Variants in SLC35F3 observed in about 807,000 individuals in gnomAD.
SLC35F3 encodes putative thiamine transporter SLC35F3.
In SLC35F3, 25 loss-of-function variants were observed where a neutral mutation model predicts 49.9. The ratio of observed to expected loss-of-function variants is 0.50; its 90% CI spans 0.37 to 0.70. The LOEUF is 0.70. Ranked by LOEUF, SLC35F3 falls within the 30% of genes least tolerant of loss-of-function variation. The pLI is 0.00. For missense variants in SLC35F3, 525 were observed against 639.8 expected (o/e 0.82, Z 1.94); for synonymous variants, 275 against 265.4 (o/e 1.04, Z -0.35).
rs1352555577 is a variant in SLC35F3, at chr1:234,217,955, G to A, written c.284-13462G>A. Among the ~76,000 whole-genome samples the A allele has an allele frequency of 5.9e-5, 9 of 152,204 alleles. No individual in the cohort carries two copies. The East Asian group carries it at 1.7e-3, about 29-fold the overall frequency. ...TGGGGGGATATGAGAAAGCTTGTTG[G>A]TGCAGAGGGGAGGAGAGGCAGTTTC... On this transcript the variant is annotated intron_variant, in intron 2 of 7. Coordinates refer to ENST00000366618, the MANE Select transcript of SLC35F3 (RefSeq NM_173508.4).
intron 2 of SLC35F3, among the ~76,000 whole-genome samples, chr1:234,171,616 A>G (rs1230549689): frequency 6.6e-6 from 1 of 152,232 alleles, no homozygotes; most frequent in Non-Finnish European, 1.5e-5. Context: ...GATACTTATC[A>G]TCAGAGAGTT....
At chr1:233,937,064 T>C (rs1035512893) in intron 2 of SLC35F3, among the ~76,000 whole-genome samples, 13 of 152,130 alleles carry the variant, frequency 8.5e-5, no homozygotes, top group Non-Finnish European at 5.9e-5. Context: ...CATCCCTGCT[T>C]CCACTCCCAT....
intron 2 of SLC35F3, among the ~76,000 whole-genome samples, chr1:234,176,780 G>A (rs1026802272): frequency 1.3e-5 from 2 of 152,138 alleles, no homozygotes; most frequent in African/African-American, 4.8e-5. Context: ...GAGATCAGGA[G>A]CCTACTTTAA....
intron 3 of SLC35F3, among the ~76,000 whole-genome samples, chr1:234,280,848 T>C (rs554634795): frequency 4.7e-4 from 71 of 152,238 alleles, no homozygotes; most frequent in African/African-American, 1.5e-3. Context: ...CAGGCAGAAT[T>C]TGCACCCAAG....
intron 3 of SLC35F3, among the ~76,000 whole-genome samples, chr1:234,256,322 G>A (rs754762265): frequency 1.6e-4 from 25 of 152,068 alleles, no homozygotes; most frequent in Admixed American, 5.2e-4. Flanking sequence ...AATAAAATTC[G>A]AAGCTCCCCT....
chr1:233,951,840 G>A (rs1662612747), intron 2 of SLC35F3, among the ~76,000 whole-genome samples: 2 of 152,074 alleles, frequency 1.3e-5, no homozygotes, highest in Non-Finnish European at 2.9e-5. Flanking sequence ...CCAAAGTGCT[G>A]AGATTATAGG....
intron 2 of SLC35F3, among the ~76,000 whole-genome samples, chr1:234,041,199 C>A (rs1048564667): frequency 4.3e-4 from 65 of 152,292 alleles, no homozygotes; most frequent in Non-Finnish European, 5.0e-4. Context: ...TAAATACCCT[C>A]AAATTCTCAA....
chr1:233,971,522 C>T (rs1662992027), intron 2 of SLC35F3, among the ~76,000 whole-genome samples: 1 of 152,122 alleles, frequency 6.6e-6, no homozygotes, highest in Non-Finnish European at 1.5e-5. Context: ...GAGTTCAAGA[C>T]CAGCCCAGCC....
intron 2 of SLC35F3, among the ~76,000 whole-genome samples, chr1:234,057,963 A>C (rs1664480116): frequency 6.6e-6 from 1 of 151,958 alleles, no homozygotes; most frequent in Non-Finnish European, 1.5e-5. Context: ...CGCCTCAGCT[A>C]CCCAAAGGGC....
intron 2 of SLC35F3, among the ~76,000 whole-genome samples, chr1:234,219,015 C>T (rs114667205): frequency 0.01 from 1,425 of 141,538 alleles, 18 homozygotes; most frequent in African/African-American, 0.034. Context: ...TGCCACTGCA[C>T]GCCAGCCTGG....
intron 2 of SLC35F3, among the ~76,000 whole-genome samples, chr1:233,964,961 A>G (rs1662878290): frequency 6.6e-6 from 1 of 152,218 alleles, no homozygotes; most frequent in South Asian, 2.1e-4. Flanking sequence ...CAAGATTCTT[A>G]TAAGTGATGT....
chr1:234,079,262 A>T (rs1406009321), intron 2 of SLC35F3, among the ~76,000 whole-genome samples: 2 of 151,996 alleles, frequency 1.3e-5, no homozygotes, highest in Admixed American at 1.3e-4. Context: ...ACATGAGTCT[A>T]TTTTTTTTAT....
intron 2 of SLC35F3, among the ~76,000 whole-genome samples, chr1:233,945,411 A>G (rs918087101): frequency 6.6e-6 from 1 of 152,202 alleles, no homozygotes; most frequent in African/African-American, 2.4e-5. Flanking sequence ...TTAAGAAGCA[A>G]TAAGCTGCAA....
At chr1:233,936,313 T>A (rs535755408) in intron 2 of SLC35F3, among the ~76,000 whole-genome samples, 2 of 152,188 alleles carry the variant, frequency 1.3e-5, no homozygotes, top group South Asian at 4.1e-4. Context: ...CAGAGTGACA[T>A]CTCCAGCTCA....
At chr1:234,313,107 G>A (rs1657400429) in intron 4 of SLC35F3, among the ~76,000 whole-genome samples, 2 of 152,048 alleles carry the variant, frequency 1.3e-5, no homozygotes, top group Admixed American at 1.3e-4. Context: ...GAACTTGTGG[G>A]CCCAAGAAAT....
chr1:233,941,279 C>T (rs1662416039), intron 2 of SLC35F3, among the ~76,000 whole-genome samples: 2 of 152,174 alleles, frequency 1.3e-5, no homozygotes. Context: ...CCCAATTTCT[C>T]TGAGCTGATT....
At chr1:234,194,881 C>T (rs1288311192) in intron 2 of SLC35F3, among the ~76,000 whole-genome samples, 1 of 152,174 alleles carries the variant, frequency 6.6e-6, no homozygotes, top group African/African-American at 2.4e-5. Context: ...CCACACTGCA[C>T]CCAGTTATGC....
intron 2 of SLC35F3, among the ~76,000 whole-genome samples, chr1:234,042,601 G>A (rs6695612): frequency 0.38 from 57,532 of 151,970 alleles, 13,629 homozygotes; most frequent in African/African-American, 0.67. Context: ...AATTTAAAAA[G>A]TAATTTTAGG....
At chr1:234,281,648 A>T (rs1668327716) in intron 3 of SLC35F3, among the ~76,000 whole-genome samples, 1 of 152,238 alleles carries the variant, frequency 6.6e-6, no homozygotes, top group African/African-American at 2.4e-5. Context: ...GGATAAATCT[A>T]TGCAAACAAA....
Sources: allele counts gnomAD v4.1 joint callset (sites outside exome capture counted in the v4.1 genomes callset), GRCh38; gene constraint gnomAD v4.1.1; transcripts MANE v1.5; gene names NCBI Gene and HGNC (gene_info 2026-07-23, HGNC 2026-07-21).